The following TNKS variants were observed in gnomAD, a reference collection of about 807,000 sequenced individuals.
TNKS encodes poly [ADP-ribose] polymerase tankyrase-1.
Under a neutral mutation model 135.8 loss-of-function variants are expected in TNKS, and 72 were observed. The ratio of observed to expected loss-of-function variants is 0.53; its 90% CI spans 0.44 to 0.64. TNKS has a LOEUF of 0.64. Ranked by LOEUF, TNKS falls within the 30% of genes least tolerant of loss-of-function variation. The pLI is 0.00. For synonymous variants in TNKS, 849 were observed against 649.3 expected, an observed-to-expected ratio of 1.31 and a Z score of -4.68; for missense variants, 1,769 against 1,674.0, an observed-to-expected ratio of 1.06 and a Z score of -0.99.
At chr8:9,722,179 A>G (rs1303051902) in intron 12 of TNKS, among the ~76,000 whole-genome samples, 3 of 152,196 alleles carry the variant, frequency 2.0e-5, no homozygotes, top group Non-Finnish European at 4.4e-5. Context: ...CAACTATATT[A>G]GAAGACAAAA....
At chr8:9,675,781 G>T (rs1321423653) in intron 3 of TNKS, among the ~76,000 whole-genome samples, 1 of 152,068 alleles carries the variant, frequency 6.6e-6, no homozygotes, top group African/African-American at 2.4e-5. Flanking sequence ...GCCTAGTGCA[G>T]GGCCTGACAG....
chr8:9,673,103 A>G (rs1197043596), intron 3 of TNKS, among the ~76,000 whole-genome samples: 1 of 152,146 alleles, frequency 6.6e-6, no homozygotes, highest in Non-Finnish European at 1.5e-5. Context: ...TGAGACACCT[A>G]TTGATGGCTA....
intron 12 of TNKS, among the ~76,000 whole-genome samples, chr8:9,724,266 A>G (rs1805049617): frequency 1.3e-5 from 2 of 152,108 alleles, no homozygotes; most frequent in Non-Finnish European, 2.9e-5. Context: ...CTTGGGCAAC[A>G]TGGCGAAACC....
chr8:9,618,339 C>G (rs929560427), intron 3 of TNKS, among the ~76,000 whole-genome samples: 2 of 152,062 alleles, frequency 1.3e-5, no homozygotes, highest in African/African-American at 4.8e-5. Flanking sequence ...AACAGTGTAC[C>G]CTTAATTTTG....
chr8:9,614,658 C>G (rs1799574486), intron 2 of TNKS, among the ~76,000 whole-genome samples: 2 of 152,156 alleles, frequency 1.3e-5, no homozygotes, highest in South Asian at 4.1e-4. Flanking sequence ...ACGGTAGTGC[C>G]TCATAACTTA....
chr8:9,772,518 T>TAA, intron 26 of TNKS: 1 of 429,432 alleles, frequency 2.3e-6, no homozygotes, highest in Non-Finnish European at 4.7e-6. Context: ...AAGGCTGTGC[T>TAA]AACTTTCCAG....
intron 3 of TNKS, among the ~76,000 whole-genome samples, chr8:9,675,837 C>G (rs4428676): frequency 0.085 from 12,855 of 151,958 alleles, 824 homozygotes; most frequent in East Asian, 0.22. Context: ...TGTTTAACTG[C>G]CTTGACACCA....
Position 9,555,969 on chromosome 8 carries a change from T to A in TNKS, c.30T>A (p.His10Gln). The A allele has an allele frequency of 1.9e-6, 3 of 1,613,368 alleles. No homozygotes were observed. The highest frequency in any genetic ancestry group is 2.5e-6 in the Non-Finnish European group (3 of 1,179,824). Residue 10 changes from histidine to glutamine, a missense_variant, in exon 1 of 27, where the codon CAT becomes CAA. His to Gln is a conservative substitution (Grantham distance 24). Transcript: ENST00000310430. Reference protein sequence around the residue: MAASRRSQHHHHHHQQQLQP... With the variant: MAASRRSQHQHHHHQQQLQP... ...CGGCGTCGCGTCGCTCTCAGCATCA[T>A]CACCACCATCATCAACAACAGCTCC...
intron 3 of TNKS, among the ~76,000 whole-genome samples, chr8:9,630,271 G>A (rs1402196823): frequency 1.3e-5 from 2 of 152,040 alleles, no homozygotes; most frequent in African/African-American, 4.8e-5. Flanking sequence ...TGATCATTCC[G>A]CCAGTGGGTG....
chr8:9,614,737 T>G (rs1563118267), intron 2 of TNKS, among the ~76,000 whole-genome samples: 1 of 152,178 alleles, frequency 6.6e-6, no homozygotes, highest in South Asian at 2.1e-4. Flanking sequence ...TTGGGTAGTA[T>G]TACAGCAACA....
chr8:9,569,386 C>A (rs1156985860), intron 1 of TNKS, among the ~76,000 whole-genome samples: 5 of 152,278 alleles, frequency 3.3e-5, no homozygotes, highest in East Asian at 1.9e-4. Context: ...TCCATAAGCT[C>A]CTGTCCTATG....
At chr8:9,728,044 C>T (rs1267375439) in intron 13 of TNKS, among the ~76,000 whole-genome samples, 1 of 152,118 alleles carries the variant, frequency 6.6e-6, no homozygotes, top group African/African-American at 2.4e-5. Flanking sequence ...GCTATATGTG[C>T]TTATTATAAT....
intron 1 of TNKS, among the ~76,000 whole-genome samples, chr8:9,560,345 G>A (rs899133618): frequency 2.0e-5 from 3 of 151,880 alleles, no homozygotes; most frequent in Admixed American, 2.0e-4. Context: ...ATTATGATAG[G>A]TAATGTGAGG....
intron 1 of TNKS, among the ~76,000 whole-genome samples, chr8:9,572,780 C>A (rs1454324067): frequency 6.6e-6 from 1 of 152,118 alleles, no homozygotes; most frequent in African/African-American, 2.4e-5. Context: ...TTGTGAATTA[C>A]TGTGTTTAGT....
At chr8:9,688,831 G>A (rs1490060473) in intron 5 of TNKS, among the ~76,000 whole-genome samples, 1 of 152,096 alleles carries the variant, frequency 6.6e-6, no homozygotes, top group Non-Finnish European at 1.5e-5. Context: ...AGTAGAGATG[G>A]CGTTTCACTA....
chr8:9,684,094 C>T (rs1021348715), intron 5 of TNKS, among the ~76,000 whole-genome samples: 1 of 151,880 alleles, frequency 6.6e-6, no homozygotes, highest in Admixed American at 6.6e-5. Flanking sequence ...GTTATTTAGT[C>T]ATCTTCTACC....
At chr8:9,660,842 C>T (rs965114775) in intron 3 of TNKS, among the ~76,000 whole-genome samples, 25 of 152,082 alleles carry the variant, frequency 1.6e-4, no homozygotes, top group Non-Finnish European at 5.9e-5. Context: ...AAAACCCCAT[C>T]GTTTCAGCCC....
chr8:9,575,295 T>C (rs1387092874), intron 1 of TNKS: 5 of 684,058 alleles, frequency 7.3e-6, no homozygotes, highest in Non-Finnish European at 7.2e-6. Context: ...CCATGTTAGC[T>C]AGGATGGTCT....
chr8:9,682,952 A>G (rs888978969), intron 5 of TNKS, among the ~76,000 whole-genome samples: 4 of 152,034 alleles, frequency 2.6e-5, no homozygotes, highest in Admixed American at 6.6e-5. Flanking sequence ...TAATGCAATA[A>G]TGTTCCAAAA....
Sources: allele counts gnomAD v4.1 joint callset (sites outside exome capture counted in the v4.1 genomes callset), GRCh38; gene constraint gnomAD v4.1.1; transcripts MANE v1.5; gene names NCBI Gene and HGNC (gene_info 2026-07-23, HGNC 2026-07-21).